Variants in TMEM42 observed in about 807,000 individuals in gnomAD.
The protein encoded by TMEM42 is transmembrane protein 42.
TMEM42 carries 8 observed loss-of-function variants against 14.0 expected under a neutral mutation model. The ratio of observed to expected loss-of-function variants is 0.57; its 90% CI spans 0.34 to 1.03. TMEM42 has a LOEUF of 1.03. TMEM42 is among the 50% of genes least tolerant of loss of function. The probability of loss-of-function intolerance (pLI) is 0.03; values close to 1 mark genes in which losing one functional copy is unlikely to be tolerated. For synonymous variants in TMEM42, 115 were observed against 94.3 expected (o/e 1.22, Z -1.27); for missense variants, 211 against 219.8 (o/e 0.96, Z 0.25).
At chr3:44,864,543 G>C (rs1038763025) in intron 2 of TMEM42, among the ~76,000 whole-genome samples, 200 bp downstream of exon 2, 1 of 152,180 alleles carries the variant, frequency 6.6e-6, no homozygotes, top group Admixed American at 6.5e-5. Context: ...AGTTAGATAT[G>C]AGTGAAGCCT....
At chr3:44,863,306 C>G (rs909997674) in intron 1 of TMEM42, 3 of 107,006 alleles carry the variant, frequency 2.8e-5, no homozygotes, top group African/African-American at 8.9e-5. Context: ...CCGCACCCCC[C>G]CCCCCCGCCG....
intron 1 of TMEM42, chr3:44,863,613 CT>C (rs1281355271): frequency 6.6e-6 from 1 of 152,626 alleles, no homozygotes; most frequent in African/African-American, 2.4e-5. Flanking sequence ...GCCCCTGGCT[CT>C]TTATCTGTAA....
Position 44,865,172 on chromosome 3 carries a change from C to G in TMEM42, c.472C>G (p.Gln158Glu). The change falls in exon 3 of 3, where the codon CAG becomes GAG. Residue 158 changes from glutamine to glutamate, a missense_variant. Transcript: ENST00000302392. ...PPTWKPLPHKQQ is the reference protein window; with the variant it reads ...PPTWKPLPHKEQ Reference sequence around the variant, plus strand: ...CACCTGGAAGCCCCTTCCACACAAGCAGCAGTAGCACCACTTGGCTAGACG... The same window carrying G: ...CACCTGGAAGCCCCTTCCACACAAGGAGCAGTAGCACCACTTGGCTAGACG... The G allele has an allele frequency of 1.9e-6, 3 of 1,614,194 alleles. No individual in the cohort carries two copies. Among genetic ancestry groups the G allele is most frequent in the Non-Finnish European group, 2.5e-6 (3 of 1,180,034 alleles).
At chr3:44,864,475 C>T (rs1360402401) in intron 2 of TMEM42, 132 bp downstream of exon 2, 7 of 1,042,408 alleles carry the variant, frequency 6.7e-6, no homozygotes, top group African/African-American at 1.6e-5. Context: ...TGGCTTGACC[C>T]CTGGATGAGT....
chr3:44,864,418 T>C, intron 2 of TMEM42, 75 bp downstream of exon 2: 1 of 1,583,224 alleles, frequency 6.3e-7, no homozygotes, highest in South Asian at 1.1e-5. Context: ...TAACCCCTCC[T>C]TTCCCAGACA....
Position 44,865,136 on chromosome 3 carries a change from A to G in TMEM42, c.436A>G (p.Lys146Glu), listed in dbSNP as rs1293661897. The G allele has an allele frequency of 6.2e-7, 1 of 1,614,086 alleles. No homozygotes were observed. The highest frequency in any genetic ancestry group is 2.2e-5 in the East Asian group (1 of 44,868). ...ILCGLTLIHR[K>E]LPPTWKPLPH... ...CTGCGGACTCACCCTAATCCACAGG[A>G]AGCTCCCACCCACCTGGAAGCCCCT... The change falls in exon 3 of 3, where the codon AAG becomes GAG. Residue 146 changes from lysine (K) to glutamate (E), a missense_variant. Coordinates refer to ENST00000302392, the MANE Select transcript of TMEM42 (RefSeq NM_144638.3).
chr3:44,862,265 C>T (rs890468760), intron 1 of TMEM42, 149 bp downstream of exon 1: 13 of 491,574 alleles, frequency 2.6e-5, no homozygotes, highest in Non-Finnish European at 5.3e-6. Context: ...CGGTCTGTCC[C>T]GCCGGGGCCC....
Position 44,861,924 on chromosome 3 carries a change from C to T in TMEM42, c.-1C>T, listed in dbSNP as rs1284390381. ...TGCCAGGCACGGTGTCAGCAGGCAACATGGCCGAGAGGCCGGGGCCTCCGG... is the reference window on the plus strand; with the variant it reads ...TGCCAGGCACGGTGTCAGCAGGCAATATGGCCGAGAGGCCGGGGCCTCCGG... On this transcript the variant is annotated 5_prime_UTR_variant, in exon 1 of 3. Coordinates refer to ENST00000302392, the MANE Select transcript of TMEM42 (RefSeq NM_144638.3). The T allele has an allele frequency of 6.9e-7, 1 of 1,453,338 alleles. No homozygotes were observed. The highest frequency in any genetic ancestry group is 2.7e-5 in the Admixed American group (1 of 36,606). The allele number at this position is 1,453,338 out of a possible 1,614,324, so 90.0% of individuals were successfully genotyped here. A position where few individuals can be genotyped will look rare whatever the true frequency, so the allele number is the denominator to read the frequency against.
chr3:44,864,370 T>G (rs754112954), intron 2 of TMEM42, 27 bp downstream of exon 2: 127 of 1,613,562 alleles, frequency 7.9e-5, no homozygotes, highest in Non-Finnish European at 1.0e-4. Context: ...TGTGGTGCTC[T>G]TGTCCTAAAT....
Position 44,865,288 on chromosome 3 carries a change from C to A in TMEM42, c.*108C>A. ...CGATCCAGTTGTGCAGCCTTCTGAC[C>A]ATCAGCCAAGGGAAGCAGGCCTCTG... On this transcript the variant is annotated 3_prime_UTR_variant, in exon 3 of 3. Transcript: ENST00000302392. 6.8e-7 allele frequency: 1 copy of A among 1,478,186 alleles called. No individual in the cohort carries two copies. The allele number at this position is 1,478,186 out of a possible 1,614,324, so 91.6% of individuals were successfully genotyped here.
intron 2 of TMEM42, among the ~76,000 whole-genome samples, chr3:44,864,831 G>T (rs1292080368): frequency 6.6e-6 from 1 of 152,190 alleles, no homozygotes; most frequent in African/African-American, 2.4e-5. Flanking sequence ...CTTTGCTGAG[G>T]TCCAGTGCAG....
At chr3:44,864,515 A>G (rs1699299697) in intron 2 of TMEM42, among the ~76,000 whole-genome samples, 172 bp downstream of exon 2, 2 of 152,248 alleles carry the variant, frequency 1.3e-5, no homozygotes, top group Middle Eastern at 3.4e-3. Flanking sequence ...TGTAATTCTA[A>G]TCATGGAAGA....
In TMEM42 at chr3:44,865,027, C is replaced by T. The variant is rs563400889; in HGVS notation, c.340-13C>T. On this transcript the variant is annotated splice_polypyrimidine_tract_variant and intron_variant, in intron 2 of 2. Coordinates refer to ENST00000302392, the MANE Select transcript of TMEM42 (RefSeq NM_144638.3). The stretch of plus-strand genomic sequence containing the variant: ...CTGAAGTTGAGTCCCTCACAGCTAT[C>T]TTTGTCTCGCAGGCCTTCCTGGGCT... 6.2e-7 allele frequency: 1 copy of T among 1,613,786 alleles called. No individual in the cohort carries two copies. Among genetic ancestry groups the T allele is most frequent in the African/African-American group, 1.3e-5 (1 of 74,916 alleles).
At position 44,862,010 on chromosome 3, in the gene TMEM42, A is replaced by G; in HGVS notation, c.86A>G (p.Gln29Arg). 1.7e-5 allele frequency: 24 copies of G among 1,380,008 alleles called. No homozygotes were observed. The highest frequency in any genetic ancestry group is 2.3e-5 in the Non-Finnish European group (24 of 1,064,764). The allele number at this position is 1,380,008 out of a possible 1,614,324, so 85.5% of individuals were successfully genotyped here. ...DTPAEFPPHL[Q>R]AGAMRRRFWG... ...CCCGCGGAATTCCCTCCGCACCTCC[A>G]GGCGGGTGCGATGCGGCGCCGCTTT... Residue 29 changes from glutamine to arginine, a missense_variant, in exon 1 of 3, where the codon CAG becomes CGG. Physicochemically the swap from Gln to Arg is conservative, Grantham distance 43. Coordinates refer to ENST00000302392, the MANE Select transcript of TMEM42 (RefSeq NM_144638.3).
chr3:44,865,013 T>A (rs1315496966), intron 2 of TMEM42, 27 bp from the exon 3 acceptor site: 1 of 1,612,128 alleles, frequency 6.2e-7, no homozygotes. Context: ...TGAAGTTGAG[T>A]CCCTCACAGC....
intron 1 of TMEM42, chr3:44,863,078 C>T (rs1056303539): frequency 1.3e-5 from 2 of 151,930 alleles, no homozygotes; most frequent in African/African-American, 4.8e-5. Context: ...AAATTTAAAA[C>T]ATGAATTTTT....
chr3:44,862,771 G>A (rs1443329811), intron 1 of TMEM42: 2 of 151,906 alleles, frequency 1.3e-5, no homozygotes, highest in Non-Finnish European at 2.9e-5. Context: ...TTGCTATAGG[G>A]GTTTCATTGC....
At chr3:44,864,920 C>T in intron 2 of TMEM42, 120 bp from the exon 3 acceptor site, 1 of 1,363,664 alleles carries the variant, frequency 7.3e-7, no homozygotes, top group East Asian at 2.4e-5. Context: ...GGTTTCAAGC[C>T]CAAGGCTTCT....
intron 1 of TMEM42, chr3:44,862,967 A>G (rs1699275495): frequency 6.6e-6 from 1 of 152,136 alleles, no homozygotes; most frequent in African/African-American, 2.4e-5. Context: ...GTTTGTTGTC[A>G]GGAACTAGAC....
Sources: allele counts gnomAD v4.1 joint callset (sites outside exome capture counted in the v4.1 genomes callset), GRCh38; gene constraint gnomAD v4.1.1; transcripts MANE v1.5; gene names NCBI Gene and HGNC (gene_info 2026-07-23, HGNC 2026-07-21).